The following DDX50 variants were observed in gnomAD, a reference collection of about 807,000 sequenced individuals.
DDX50 encodes the protein DExD-box helicase 50.
Under a neutral mutation model 94.8 loss-of-function variants are expected in DDX50, and 56 were observed. That is an observed-to-expected ratio of 0.59 (90% CI 0.48 to 0.74). DDX50 has a LOEUF of 0.74. Ranked by LOEUF, DDX50 falls within the 30% of genes least tolerant of loss-of-function variation. The pLI, the probability that DDX50 is intolerant of heterozygous loss-of-function variation, is 0.00. For synonymous variants in DDX50, 264 were observed against 295.4 expected (o/e 0.89, Z 1.09); for missense variants, 713 against 881.2 (o/e 0.81, Z 2.42).
Position 68,946,652 on chromosome 10 carries a change from A to G in DDX50, c.*22A>G. The G allele has an allele frequency of 6.2e-7, 1 of 1,600,974 alleles. No homozygotes were observed. The highest frequency in any genetic ancestry group is 8.5e-7 in the Non-Finnish European group (1 of 1,171,588). Reference sequence around the variant, plus strand: ...CTGAGTATTTGATAGTTAATCTACCAGTGTGAGCTTGCCTATTTCTGCCTA... The same window carrying G: ...CTGAGTATTTGATAGTTAATCTACCGGTGTGAGCTTGCCTATTTCTGCCTA... On this transcript the variant is annotated 3_prime_UTR_variant, in exon 15 of 15. Transcript: ENST00000373585.
chr10:68,914,380 TAG>T (rs1841722165), intron 7 of DDX50, among the ~76,000 whole-genome samples, 176 bp downstream of exon 7: 1 of 151,796 alleles, frequency 6.6e-6, no homozygotes, highest in African/African-American at 2.4e-5. Context: ...ATAGAATAAA[TAG>T]GGGGAAAAAA....
chr10:68,910,261 A>G, intron 2 of DDX50, 46 bp from the exon 3 acceptor site: 1 of 1,418,840 alleles, frequency 7.0e-7, no homozygotes, highest in Non-Finnish European at 9.7e-7. Context: ...GTAAATGAGG[A>G]AGAGTTGAGT....
chr10:68,914,015 G>A lies in DDX50; in HGVS notation c.944-44G>A, dbSNP rs1192437020. On this transcript the variant is annotated intron_variant, in intron 6 of 14. Coordinates refer to ENST00000373585, the MANE Select transcript of DDX50 (RefSeq NM_024045.2). Reference sequence around the variant, plus strand: ...AGGATTTTTAAGAGCGGGCTACATCGTGGGAAATTAAGAAAACATTTGAAT... The same window carrying A: ...AGGATTTTTAAGAGCGGGCTACATCATGGGAAATTAAGAAAACATTTGAAT... The A allele has an allele frequency of 5.3e-6, 8 of 1,520,072 alleles. No homozygotes were observed. The East Asian group carries it at 9.6e-5, about 18-fold the overall frequency. The allele number at this position is 1,520,072 out of a possible 1,614,324, so 94.2% of individuals were successfully genotyped here. A position where few individuals can be genotyped will look rare whatever the true frequency, so the allele number is the denominator to read the frequency against.
At chr10:68,922,747 C>T (rs955241226) in intron 8 of DDX50, among the ~76,000 whole-genome samples, 9 of 150,522 alleles carry the variant, frequency 6.0e-5, no homozygotes, top group Non-Finnish European at 1.0e-4. Flanking sequence ...GAGCTGTGAT[C>T]GTGATGCTGT....
At chr10:68,942,258 G>A (rs997440776) in intron 13 of DDX50, among the ~76,000 whole-genome samples, 1 of 118,890 alleles carries the variant, frequency 8.4e-6, no homozygotes, top group Non-Finnish European at 2.0e-5. Context: ...AATTAAAACT[G>A]TAATCTTGTG....
intron 1 of DDX50, among the ~76,000 whole-genome samples, chr10:68,902,026 G>A (rs1841299901): frequency 6.6e-6 from 1 of 151,910 alleles, no homozygotes; most frequent in Non-Finnish European, 1.5e-5. Context: ...AGCCTTTACT[G>A]TCAGTATTTT....
intron 4 of DDX50, chr10:68,911,908 C>T (rs1213577814): frequency 2.0e-5 from 3 of 152,124 alleles, no homozygotes; most frequent in Non-Finnish European, 2.9e-5. Flanking sequence ...ACCTAAAAAG[C>T]TGTGTGCACT....
At chr10:68,920,636 T>C (rs2132037474) in intron 8 of DDX50, among the ~76,000 whole-genome samples, 1 of 152,180 alleles carries the variant, frequency 6.6e-6, no homozygotes, top group African/African-American at 2.4e-5. Context: ...AATCCATGTG[T>C]TTTTTTCTTT....
intron 4 of DDX50, 36 bp downstream of exon 4, chr10:68,911,282 C>T: frequency 6.8e-7 from 1 of 1,466,260 alleles, no homozygotes; most frequent in Non-Finnish European, 9.0e-7. Context: ...TTAAATGTTA[C>T]TCTAACAGAA....
intron 3 of DDX50, among the ~76,000 whole-genome samples, 155 bp downstream of exon 3, chr10:68,910,537 G>T (rs1841595881): frequency 6.6e-6 from 1 of 152,020 alleles, no homozygotes; most frequent in African/African-American, 2.4e-5. Flanking sequence ...TGAGTAGTTG[G>T]GATTATAGGC....
At chr10:68,913,708 C>T in intron 6 of DDX50, 132 bp downstream of exon 6, 1 of 857,652 alleles carries the variant, frequency 1.2e-6, no homozygotes, top group South Asian at 2.1e-5. Context: ...GGTATCTGTT[C>T]TGTCCTTGAA....
At chr10:68,929,336 CTTCCTTCCTTCCTTCT>C (rs1335231313) in intron 8 of DDX50, among the ~76,000 whole-genome samples, 2 of 139,648 alleles carry the variant, frequency 1.4e-5, no homozygotes, top group Non-Finnish European at 1.5e-5. Flanking sequence ...TCTTTCTTTC[CTTCCTTCCTTCCTTCT>C]TTCCTTCTTT....
At chr10:68,932,329 G>A (rs537813285) in intron 8 of DDX50, among the ~76,000 whole-genome samples, 4 of 152,108 alleles carry the variant, frequency 2.6e-5, no homozygotes, top group Non-Finnish European at 5.9e-5. Flanking sequence ...GAGCGATTAC[G>A]GCTCACTGCA....
chr10:68,941,101 G>A lies in DDX50; in HGVS notation c.1797G>A (p.Gln599=), dbSNP rs768904906. 3 of 1,612,380 alleles carry A rather than the reference G, an allele frequency of 1.9e-6. No homozygotes were observed. The highest frequency in any genetic ancestry group is 2.5e-6 in the Non-Finnish European group (3 of 1,179,908). The change falls in exon 13 of 15, where the codon CAG becomes CAA. Residue 599 remains glutamine, a synonymous_variant. Transcript: ENST00000373585. ...CTCTGGAAAGCCTAGAGGAAATACA[G>A]GATGTCAGCTGTGCTTGGAAAGAAC... ...TMTLESLEEI[Q]DVSCAWKELN...
rs1282938527 is a variant in DDX50, at chr10:68,906,818, A to G, written c.195A>G (p.Lys65=). 2 of 1,613,680 alleles carry G rather than the reference A, an allele frequency of 1.2e-6. No individual in the cohort carries two copies. Among genetic ancestry groups the G allele is most frequent in the Non-Finnish European group, 1.7e-6 (2 of 1,179,968 alleles). Residue 65 remains lysine (K), a synonymous_variant, in exon 2 of 15, where the codon AAA becomes AAG. Coordinates refer to ENST00000373585, the MANE Select transcript of DDX50 (RefSeq NM_024045.2). ...DLDAPKAKKS[K]MKEKLNGDTE... ...ATGCTCCCAAGGCCAAAAAATCTAAAATGAAAGAGAAGCTAAATGGAGACA... is the reference window on the plus strand; with the variant it reads ...ATGCTCCCAAGGCCAAAAAATCTAAGATGAAAGAGAAGCTAAATGGAGACA...
At chr10:68,927,122 G>A (rs1189387644) in intron 8 of DDX50, among the ~76,000 whole-genome samples, 1 of 151,980 alleles carries the variant, frequency 6.6e-6, no homozygotes, top group Non-Finnish European at 1.5e-5. Flanking sequence ...GTGTTACCCA[G>A]GCTGGTCTCG....
Position 68,902,473 on chromosome 10 carries a change from A to G in DDX50, c.87+1002A>G, listed in dbSNP as rs1023457141. Among the ~76,000 whole-genome samples, 3 of 152,328 alleles carry G rather than the reference A, an allele frequency of 2.0e-5. No homozygotes were observed. The South Asian group carries it at 6.2e-4, about 32-fold the overall frequency. Reference sequence around the variant, plus strand: ...ACACTTTTATTGTGCTAAAATACACATAACGTTTATCATTTTAACCATTTT... The same window carrying G: ...ACACTTTTATTGTGCTAAAATACACGTAACGTTTATCATTTTAACCATTTT... On this transcript the variant is annotated intron_variant, in intron 1 of 14. Coordinates refer to ENST00000373585, the MANE Select transcript of DDX50 (RefSeq NM_024045.2).
chr10:68,931,918 T>C (rs1842284695), intron 8 of DDX50, among the ~76,000 whole-genome samples: 1 of 152,158 alleles, frequency 6.6e-6, no homozygotes, highest in Admixed American at 6.6e-5. Flanking sequence ...TTATGTATGA[T>C]ATTTCTTCTA....
intron 4 of DDX50, chr10:68,911,735 G>A (rs762666963): frequency 1.3e-5 from 2 of 152,152 alleles, no homozygotes; most frequent in African/African-American, 2.4e-5. Context: ...TCCAATTTTA[G>A]CGTATGTGCT....
Sources: gnomAD v4.1 joint callset for allele counts (sites outside exome capture counted in the v4.1 genomes callset) on GRCh38, gnomAD v4.1.1 for gene constraint, MANE v1.5 for transcripts, NCBI Gene and HGNC (gene_info 2026-07-23, HGNC 2026-07-21) for gene names.